ELP4: variants seen among roughly 807,000 people sequenced by gnomAD.
ELP4 encodes elongator complex protein 4.
ELP4 carries 51 observed loss-of-function variants against 48.9 expected under a neutral mutation model. That is an observed-to-expected ratio of 1.04 (90% CI 0.83 to 1.32). ELP4 has a LOEUF of 1.32. ELP4 is among the 40% of genes most tolerant of loss of function. The pLI is 0.00. For synonymous variants in ELP4, 210 were observed against 189.2 expected, an observed-to-expected ratio of 1.11 and a Z score of -0.90; for missense variants, 519 against 514.6, an observed-to-expected ratio of 1.01 and a Z score of -0.08.
At chr11:31,576,002 G>C (rs1957269496) in intron 3 of ELP4, among the ~76,000 whole-genome samples, 1 of 152,178 alleles carries the variant, frequency 6.6e-6, no homozygotes, top group South Asian at 2.1e-4. Context: ...TGGAAAATTG[G>C]ATAAAGAGTC....
intron 9 of ELP4, among the ~76,000 whole-genome samples, chr11:31,675,160 A>G (rs1306573751): frequency 2.0e-5 from 3 of 152,198 alleles, no homozygotes; most frequent in Non-Finnish European, 4.4e-5. Flanking sequence ...GTCAGAAGTG[A>G]AGAGTTAAGG....
chr11:31,534,111 C>T (rs566973491), intron 2 of ELP4, among the ~76,000 whole-genome samples: 148 of 152,298 alleles, frequency 9.7e-4, no homozygotes, highest in African/African-American at 3.4e-3. Context: ...GCTGAGATTA[C>T]AGGCGTGAGC....
intron 3 of ELP4, among the ~76,000 whole-genome samples, chr11:31,545,741 C>T (rs1046974608): frequency 1.3e-5 from 2 of 152,046 alleles, no homozygotes; most frequent in Admixed American, 6.6e-5. Flanking sequence ...AGAGAAAGGT[C>T]GGGTTACCCA....
chr11:31,516,793 T>C (rs1296759460), intron 1 of ELP4, among the ~76,000 whole-genome samples: 1 of 152,108 alleles, frequency 6.6e-6, no homozygotes, highest in Non-Finnish European at 1.5e-5. Context: ...CACCCGGACC[T>C]GATCCTTTTT....
intron 9 of ELP4, among the ~76,000 whole-genome samples, chr11:31,745,080 T>C (rs1947551827): frequency 6.6e-6 from 1 of 152,162 alleles, no homozygotes; most frequent in African/African-American, 2.4e-5. Context: ...CTCACAAGCA[T>C]TCTTATACAC....
chr11:31,638,081 T>C (rs1200896327), intron 7 of ELP4, among the ~76,000 whole-genome samples: 1 of 151,900 alleles, frequency 6.6e-6, no homozygotes, highest in Admixed American at 6.6e-5. Flanking sequence ...AGTTGTCTTA[T>C]ACCATTCTCA....
intron 4 of ELP4, among the ~76,000 whole-genome samples, chr11:31,597,084 GT>G (rs1341134372): frequency 6.6e-6 from 1 of 152,082 alleles, no homozygotes; most frequent in African/African-American, 2.4e-5. Flanking sequence ...AAGTATTTTG[GT>G]AGTAACCTTC....
intron 2 of ELP4, among the ~76,000 whole-genome samples, chr11:31,524,619 C>A (rs1324637000): frequency 6.6e-6 from 1 of 152,180 alleles, no homozygotes; most frequent in Non-Finnish European, 1.5e-5. Flanking sequence ...ATGTGTTCAC[C>A]ACACTTTTCA....
At chr11:31,623,630 G>A (rs537288921) in intron 5 of ELP4, among the ~76,000 whole-genome samples, 11 of 150,030 alleles carry the variant, frequency 7.3e-5, no homozygotes, top group Non-Finnish European at 1.3e-4. Context: ...AAAATTTTAA[G>A]CATTGTTGAT....
chr11:31,646,178 A>G (rs1045741698), intron 7 of ELP4: 1 of 151,790 alleles, frequency 6.6e-6, no homozygotes, highest in African/African-American at 2.4e-5. Context: ...TGAATGAAAA[A>G]TTGCCTTAGA....
chr11:31,533,926 C>A (rs1052995677), intron 2 of ELP4, among the ~76,000 whole-genome samples: 1 of 152,022 alleles, frequency 6.6e-6, no homozygotes, highest in African/African-American at 2.4e-5. Context: ...AGCTCCTCCT[C>A]CCGGGTTCAC....
chr11:31,572,700 TA>T (rs1343974236), intron 3 of ELP4, among the ~76,000 whole-genome samples: 8 of 152,312 alleles, frequency 5.3e-5, no homozygotes, highest in Non-Finnish European at 1.0e-4. Flanking sequence ...TATATTAATG[TA>T]AAAAAGGTTT....
chr11:31,681,610 T>G (rs1565109379), intron 9 of ELP4, among the ~76,000 whole-genome samples: 1 of 151,894 alleles, frequency 6.6e-6, no homozygotes, highest in East Asian at 1.9e-4. Flanking sequence ...AGAAGAAGAC[T>G]GAAAGGGAAA....
At chr11:31,706,493 A>G (rs951456577) in intron 9 of ELP4, among the ~76,000 whole-genome samples, 1 of 148,546 alleles carries the variant, frequency 6.7e-6, no homozygotes, top group Admixed American at 6.8e-5. Context: ...ATTAAATGTT[A>G]TATTTATTTT....
At chr11:31,511,123 G>A (rs1286316573) in intron 1 of ELP4, 1 of 151,976 alleles carries the variant, frequency 6.6e-6, no homozygotes, top group African/African-American at 2.4e-5. Flanking sequence ...TTCATTTTCC[G>A]GTTATTTCTA....
At chr11:31,620,777 G>T (rs1293519686) in intron 5 of ELP4, among the ~76,000 whole-genome samples, 1 of 151,898 alleles carries the variant, frequency 6.6e-6, no homozygotes, top group Non-Finnish European at 1.5e-5. Flanking sequence ...GTCAGAACCT[G>T]CATTGCTTAG....
intron 4 of ELP4, chr11:31,600,010 T>C (rs571700226): frequency 6.6e-6 from 1 of 152,300 alleles, no homozygotes; most frequent in Admixed American, 6.5e-5. Context: ...ATTAAATAAA[T>C]AGTTCAAAAG....
At position 31,675,247 on chromosome 11, in the gene ELP4, A is replaced by G. The variant is rs116876948; in HGVS notation, c.1143+25026A>G. On this transcript the variant is annotated intron_variant, in intron 9 of 9. Transcript: ENST00000640961. ...CAAGAGTCATGAGAGGGAGTGTAGT[A>G]TAACAATTAATACATTTAATCTTTT... is the stretch of plus-strand genomic sequence containing the variant. Among the ~76,000 whole-genome samples, 14 of 151,700 alleles carry G rather than the reference A, an allele frequency of 9.2e-5. No individual in the cohort carries two copies. The East Asian group carries it at 2.7e-3, about 29-fold the overall frequency.
intron 5 of ELP4, among the ~76,000 whole-genome samples, chr11:31,622,243 T>A (rs1944638135): frequency 6.6e-6 from 1 of 151,828 alleles, no homozygotes; most frequent in South Asian, 2.1e-4. Flanking sequence ...TAACTTAACC[T>A]TTTCACTGAT....
Sources: allele counts gnomAD v4.1 joint callset (sites outside exome capture counted in the v4.1 genomes callset), GRCh38; gene constraint gnomAD v4.1.1; transcripts MANE v1.5; gene names NCBI Gene and HGNC (gene_info 2026-07-23, HGNC 2026-07-21).